The following WDR43 variants were observed in gnomAD, a reference collection of about 807,000 sequenced individuals.
The protein encoded by WDR43 is WD repeat-containing protein 43.
Under a neutral mutation model 91.4 loss-of-function variants are expected in WDR43, and 13 were observed. The observed-to-expected ratio is 0.14, with a 90% CI of 0.09 to 0.23. The LOEUF is 0.23. Among genes scored for constraint, WDR43 ranks in the 10% least tolerant of loss-of-function variants. WDR43 has a pLI of 1.00. For synonymous variants in WDR43, 331 were observed against 287.9 expected (o/e 1.15, Z -1.51); for missense variants, 780 against 809.4 (o/e 0.96, Z 0.44).
rs1491172051 is a variant in WDR43, at chr2:28,907,467, AAT to A, written c.485+887_485+888del. 1.0e-3 allele frequency among the ~76,000 whole-genome samples: 145 copies of A among 144,822 alleles called. 5 individuals are homozygous for A. Among genetic ancestry groups the A allele is most frequent in the Non-Finnish European group, 1.6e-3 (108 of 67,052 alleles). On this transcript the variant is annotated intron_variant, in intron 3 of 17. Coordinates refer to ENST00000407426, the MANE Select transcript of WDR43 (RefSeq NM_015131.3). Reference sequence around the variant, plus strand: ...TTTACAAAAAAAAAAAAAAAAAAAAAATTGGGTGTGGTGGCATGCATGGCCTG... The same window carrying A: ...TTTACAAAAAAAAAAAAAAAAAAAAATGGGTGTGGTGGCATGCATGGCCTG...
At chr2:28,944,453 G>A (rs1671505664) in intron 16 of WDR43, among the ~76,000 whole-genome samples, 1 of 152,164 alleles carries the variant, frequency 6.6e-6, no homozygotes, top group Non-Finnish European at 1.5e-5. Context: ...AGCATTTTAA[G>A]GCTAAAAGGC....
At position 28,912,747 on chromosome 2, in the gene WDR43, T is replaced by C. The variant is rs573053190; in HGVS notation, c.606+37T>C. ...AAATTATTTGTAAGCATAAAAATTA[T>C]AGAGTAAACACAGAGAAAGGCAGAA... On this transcript the variant is annotated intron_variant, in intron 4 of 17. Coordinates refer to ENST00000407426, the MANE Select transcript of WDR43 (RefSeq NM_015131.3). 323 of 1,607,132 alleles carry C rather than the reference T, an allele frequency of 2.0e-4. 1 individual carries two copies. The highest frequency in any genetic ancestry group is 2.7e-4 in the Non-Finnish European group (316 of 1,176,778).
At chr2:28,945,777 C>T (rs925995954) in intron 16 of WDR43, among the ~76,000 whole-genome samples, 1 of 152,144 alleles carries the variant, frequency 6.6e-6, no homozygotes, top group South Asian at 2.1e-4. Context: ...TTAACGTTTG[C>T]ATGTTTTCCC....
At chr2:28,911,439 G>A (rs1224640411) in intron 3 of WDR43, among the ~76,000 whole-genome samples, 4 of 151,616 alleles carry the variant, frequency 2.6e-5, no homozygotes, top group African/African-American at 7.3e-5. Flanking sequence ...GACTATAGGC[G>A]TCCTCCATCA....
At chr2:28,906,401 C>G (rs1171530277) in intron 2 of WDR43, 59 bp from the exon 3 acceptor site, 1 of 1,474,306 alleles carries the variant, frequency 6.8e-7, no homozygotes, top group East Asian at 2.5e-5. Context: ...GAAGGAGGAT[C>G]ATTTGAGCCC....
intron 16 of WDR43, 138 bp from the exon 17 acceptor site, chr2:28,946,312 G>C (rs957494970): frequency 4.6e-5 from 42 of 916,658 alleles, no homozygotes; most frequent in Non-Finnish European, 5.8e-5. Context: ...ATAAAATAAT[G>C]TTATTTCTTA....
At chr2:28,898,177 G>C (rs1261669990) in intron 1 of WDR43, among the ~76,000 whole-genome samples, 1 of 152,168 alleles carries the variant, frequency 6.6e-6, no homozygotes, top group African/African-American at 2.4e-5. Flanking sequence ...GTCTGCTATT[G>C]GCTATCACAG....
Position 28,901,976 on chromosome 2 carries a change from T to C in WDR43, c.226-11T>C. ...ATACTAAATAAAAACATTGTTTTTC[T>C]TTTTTTCCAGGAAAGTCCCCAGAGG... On this transcript the variant is annotated splice_polypyrimidine_tract_variant and intron_variant, in intron 1 of 17. Coordinates refer to ENST00000407426, the MANE Select transcript of WDR43 (RefSeq NM_015131.3). 1 of 1,581,416 alleles carries C rather than the reference T, an allele frequency of 6.3e-7. No homozygotes were observed. The highest frequency in any genetic ancestry group is 8.5e-7 in the Non-Finnish European group (1 of 1,170,844).
At chr2:28,912,336 T>C (rs759657282) in intron 3 of WDR43, among the ~76,000 whole-genome samples, 5 of 152,198 alleles carry the variant, frequency 3.3e-5, no homozygotes, top group Non-Finnish European at 7.3e-5. Context: ...CATTTTCTGA[T>C]ACTTGTTGAG....
chr2:28,921,543 A>T (rs1671025833), intron 6 of WDR43, among the ~76,000 whole-genome samples: 1 of 152,210 alleles, frequency 6.6e-6, no homozygotes, highest in African/African-American at 2.4e-5. Flanking sequence ...TAAAATTCCA[A>T]AACAAAACTT....
chr2:28,926,200 G>T (rs1236295737), intron 8 of WDR43, among the ~76,000 whole-genome samples: 2 of 152,132 alleles, frequency 1.3e-5, no homozygotes, highest in Admixed American at 1.3e-4. Context: ...AAAAATAAAT[G>T]TGAAAAATTC....
At chr2:28,918,033 T>G in intron 6 of WDR43, 38 bp downstream of exon 6, 1 of 1,498,138 alleles carries the variant, frequency 6.7e-7, no homozygotes, top group Non-Finnish European at 9.1e-7. Context: ...TTTTTGGGTT[T>G]CACAGATGTT....
Position 28,941,536 on chromosome 2 carries a change from T to A in WDR43, c.1696T>A (p.Ser566Thr), listed in dbSNP as rs1350319584. 1 of 1,613,362 alleles carries A rather than the reference T, an allele frequency of 6.2e-7. No individual in the cohort carries two copies. Among genetic ancestry groups the A allele is most frequent in the Non-Finnish European group, 8.5e-7 (1 of 1,179,616 alleles). The stretch of plus-strand genomic sequence containing the variant: ...CAGAGTCAAAACTTTTCAGAAACTT[T>A]CACACCTTCATGGAAAGCTTATTCT... ...ESRVKTFQKL[S>T]HLHGKLILLI... is the part of the protein sequence containing the mutation. Residue 566 changes from serine to threonine, a missense_variant, in exon 15 of 18, where the codon TCA (serine) becomes ACA (threonine). Ser to Thr is a moderately conservative substitution (Grantham distance 58, BLOSUM62 1). Transcript: ENST00000407426.
At chr2:28,905,422 A>G (rs1286660337) in intron 2 of WDR43, among the ~76,000 whole-genome samples, 1 of 152,178 alleles carries the variant, frequency 6.6e-6, no homozygotes, top group African/African-American at 2.4e-5. Context: ...TATTGTTTAT[A>G]TGCTATGGCC....
chr2:28,911,272 A>T (rs779123967), intron 3 of WDR43, among the ~76,000 whole-genome samples: 4 of 151,404 alleles, frequency 2.6e-5, no homozygotes, highest in Non-Finnish European at 2.9e-5. Context: ...TGGCAGAACC[A>T]TACGTTTTCT....
chr2:28,925,241 T>C, intron 8 of WDR43, 88 bp downstream of exon 8: 1 of 1,213,438 alleles, frequency 8.2e-7, no homozygotes, highest in Non-Finnish European at 1.1e-6. Context: ...CATTGGTCTT[T>C]AAGATAAATA....
intron 2 of WDR43, among the ~76,000 whole-genome samples, chr2:28,902,923 G>A (rs908835158): frequency 3.9e-5 from 6 of 152,090 alleles, no homozygotes; most frequent in African/African-American, 1.4e-4. Flanking sequence ...GTATATAGGA[G>A]TGTTTTAAGT....
chr2:28,902,425 C>T (rs1474906108), intron 2 of WDR43, among the ~76,000 whole-genome samples: 2 of 152,180 alleles, frequency 1.3e-5, no homozygotes, highest in East Asian at 3.9e-4. Context: ...CACCTCTTGA[C>T]CTAGGGGAAT....
chr2:28,917,898 T>C lies in WDR43; in HGVS notation c.752T>C (p.Val251Ala). 1 of 1,576,604 alleles carries C rather than the reference T, an allele frequency of 6.3e-7. No individual in the cohort carries two copies. The highest frequency in any genetic ancestry group is 1.2e-5 in the South Asian group (1 of 85,528). ...TTGCTGGTTTTGTTATCTAGGCAGG[T>C]CCGATCAGAAAACAAAGAAAAGAGT... ...VHDRLLNVWQVRSENKEKSAV... is the reference protein window; with the variant it reads ...VHDRLLNVWQARSENKEKSAV... Residue 251 changes from valine (V) to alanine (A), a missense_variant, in exon 6 of 18, where the codon GTC (valine) becomes GCC (alanine). Around this residue, in one of 4 missense-constraint regions of WDR43, gnomAD observed 174 missense variants for 207.3 expected, o/e 0.84. Coordinates refer to ENST00000407426, the MANE Select transcript of WDR43 (RefSeq NM_015131.3).
Sources: allele counts gnomAD v4.1 joint callset (sites outside exome capture counted in the v4.1 genomes callset), GRCh38; gene constraint gnomAD v4.1.1; regional missense constraint gnomAD v4.1.1; transcripts MANE v1.5; gene names NCBI Gene and HGNC (gene_info 2026-07-23, HGNC 2026-07-21).